PRMT8: variants seen among roughly 807,000 people sequenced by gnomAD.
PRMT8 encodes the protein protein arginine methyltransferase 8.
Under a neutral mutation model 47.1 loss-of-function variants are expected in PRMT8, and 7 were observed. The ratio of observed to expected loss-of-function variants is 0.15; its 90% CI spans 0.08 to 0.28. PRMT8 has a LOEUF of 0.28. Among genes scored for constraint, PRMT8 ranks in the 10% least tolerant of loss-of-function variants. PRMT8 has a pLI of 1.00. For synonymous variants in PRMT8, 188 were observed against 186.5 expected, an observed-to-expected ratio of 1.01 and a Z score of -0.07; for missense variants, 237 against 505.4, an observed-to-expected ratio of 0.47 and a Z score of 5.09.
chr12:3,444,931 T>A (rs1565409310), intron 1 of PRMT8, among the ~76,000 whole-genome samples: 1 of 152,196 alleles, frequency 6.6e-6, no homozygotes, highest in South Asian at 2.1e-4. Context: ...CCCATGGTCA[T>A]CTGGAGCTCG....
chr12:3,487,545 C>T (rs568073834), upstream of PRMT8, among the ~76,000 whole-genome samples: 1 of 152,310 alleles, frequency 6.6e-6, no homozygotes, highest in African/African-American at 2.4e-5. Context: ...AGAGGGCTTG[C>T]TCAACCTTCT....
intron 1 of PRMT8, among the ~76,000 whole-genome samples, chr12:3,418,857 G>A (rs1028541624): frequency 6.6e-6 from 1 of 152,182 alleles, no homozygotes; most frequent in Non-Finnish European, 1.5e-5. Context: ...TGGGGAACAG[G>A]TGTGCAGAAA....
intron 7 of PRMT8, among the ~76,000 whole-genome samples, chr12:3,579,892 G>A (rs1867022394): frequency 1.3e-5 from 2 of 152,148 alleles, no homozygotes; most frequent in Non-Finnish European, 2.9e-5. Context: ...CTTCAAGCGG[G>A]TCACCTGAGG....
upstream of PRMT8, among the ~76,000 whole-genome samples, chr12:3,486,462 T>C (rs2137105374): frequency 6.6e-6 from 1 of 152,286 alleles, no homozygotes; most frequent in Admixed American, 6.5e-5. Flanking sequence ...AGCACTTGCT[T>C]GGCCCATAGT....
rs1591567662 is a variant in PRMT8, at chr12:3,491,261, G to A, written c.-365G>A. On this transcript the variant is annotated 5_prime_UTR_variant, in exon 1 of 10. Coordinates refer to ENST00000382622, the MANE Select transcript of PRMT8 (RefSeq NM_019854.5). ...AGTTGGCGGCTGCCTCCGGCCGGCCGGACTTTGCGAGCAGCCTGGAGAGGA... is the reference window on the plus strand; with the variant it reads ...AGTTGGCGGCTGCCTCCGGCCGGCCAGACTTTGCGAGCAGCCTGGAGAGGA... 1.9e-6 allele frequency: 2 copies of A among 1,035,594 alleles called. No individual in the cohort carries two copies. Among genetic ancestry groups the A allele is most frequent in the Admixed American group, 5.3e-5 (1 of 18,884 alleles). The allele number at this position is 1,035,594 out of a possible 1,614,324, so 64.2% of individuals were successfully genotyped here.
In PRMT8 at chr12:3,444,232, G is replaced by A. The variant is rs373956045; in HGVS notation, c.48+62790G>A. Among the ~76,000 whole-genome samples, 97 of 152,252 alleles carry A rather than the reference G, an allele frequency of 6.4e-4. 1 individual carries two copies. The highest frequency in any genetic ancestry group is 1.9e-3 in the African/African-American group (79 of 41,550). ...CGGTTCTGGATCAAGAAAAGTCCTC[G>A]TCCCAGATGCTTAGTAAACACTCCT... On this transcript the variant is annotated intron_variant, in intron 1 of 9. Transcript: ENST00000452611.
At chr12:3,462,692 C>T (rs1364443102) in intron 1 of PRMT8, 1 of 151,922 alleles carries the variant, frequency 6.6e-6, no homozygotes, top group Admixed American at 6.5e-5. Context: ...CAGGATGGGT[C>T]CCATGAAGAG....
At chr12:3,511,904 G>A (rs1382939296) in intron 1 of PRMT8, among the ~76,000 whole-genome samples, 1 of 152,232 alleles carries the variant, frequency 6.6e-6, no homozygotes, top group Non-Finnish European at 1.5e-5. Flanking sequence ...TATTTCTAAA[G>A]TGCTGGGGCT....
chr12:3,454,553 G>A (rs759631127), intron 1 of PRMT8, among the ~76,000 whole-genome samples: 1 of 152,152 alleles, frequency 6.6e-6, no homozygotes, highest in Non-Finnish European at 1.5e-5. Context: ...AGGAGCAGGG[G>A]CCAGGGAAGA....
intron 1 of PRMT8, among the ~76,000 whole-genome samples, chr12:3,532,730 A>T (rs1021617119): frequency 2.6e-5 from 4 of 151,984 alleles, no homozygotes; most frequent in Admixed American, 1.3e-4. Flanking sequence ...AATGTGGGAA[A>T]ATGTTACTCT....
chr12:3,522,594 C>T (rs1418288640), intron 1 of PRMT8, among the ~76,000 whole-genome samples: 1 of 149,492 alleles, frequency 6.7e-6, no homozygotes, highest in African/African-American at 2.5e-5. Context: ...ACCCAGGAGG[C>T]GGAGCTTGCA....
rs578211368 is a variant in PRMT8, at chr12:3,570,720, T to C, written c.712+1156T>C. Among the ~76,000 whole-genome samples the C allele has an allele frequency of 1.6e-4, 24 of 152,320 alleles. No individual in the cohort carries two copies. The highest frequency in any genetic ancestry group is 5.8e-4 in the African/African-American group (24 of 41,566). ...GTGTATTTGTGTGGGTTCATGCCTTTCTGGAAATATAAACTCAAAGTGTGA... is the reference window on the plus strand; with the variant it reads ...GTGTATTTGTGTGGGTTCATGCCTTCCTGGAAATATAAACTCAAAGTGTGA... On this transcript the variant is annotated intron_variant, in intron 6 of 9. Transcript: ENST00000382622. The surrounding 1 kb of genome is among the most constrained non-coding windows in gnomAD (Gnocchi z 5.5).
chr12:3,593,308 A>G lies in PRMT8; in HGVS notation c.*126A>G, dbSNP rs1401276269. 1.2e-6 allele frequency: 1 copy of G among 800,430 alleles called. No homozygotes were observed. The highest frequency in any genetic ancestry group is 1.7e-5 in the African/African-American group (1 of 57,492). The allele number at this position is 800,430 out of a possible 1,614,324, so 49.6% of individuals were successfully genotyped here. ...ACCAGAGTTTTCAACTCTGCCTTGA[A>G]GATTGGTGAACTCCCCAGGGCTCCC... is the stretch of plus-strand genomic sequence containing the variant. On this transcript the variant is annotated 3_prime_UTR_variant, in exon 10 of 10. Transcript: ENST00000382622. This position sits in a 1 kb window ranked among gnomAD's most constrained non-coding sequence, Gnocchi z 4.8.
At chr12:3,561,695 C>A (rs1176391560) in intron 4 of PRMT8, among the ~76,000 whole-genome samples, 3 of 152,256 alleles carry the variant, frequency 2.0e-5, no homozygotes, top group African/African-American at 7.2e-5. Context: ...GGCGGTGGGG[C>A]CTTGTAAACG....
At chr12:3,591,373 T>C (rs1044740392) in intron 8 of PRMT8, among the ~76,000 whole-genome samples, 15 of 151,428 alleles carry the variant, frequency 9.9e-5, no homozygotes, top group African/African-American at 3.6e-4. Context: ...CTAGGTTTAG[T>C]TCCCCGTGCA....
intron 1 of PRMT8, among the ~76,000 whole-genome samples, chr12:3,424,998 T>C (rs1864587080): frequency 2.0e-5 from 3 of 152,214 alleles, no homozygotes; most frequent in South Asian, 4.1e-4. Context: ...TTGGCGAAGC[T>C]GCTCCTGTCC....
At chr12:3,505,341 C>G (rs944824954) in intron 1 of PRMT8, among the ~76,000 whole-genome samples, 1 of 152,150 alleles carries the variant, frequency 6.6e-6, no homozygotes, top group Non-Finnish European at 1.5e-5. Flanking sequence ...ACACGGTGCC[C>G]GCCATATAGC....
intron 1 of PRMT8, among the ~76,000 whole-genome samples, chr12:3,529,150 A>G (rs1227923890): frequency 3.3e-5 from 5 of 152,192 alleles, no homozygotes. Context: ...TCTGCATTGC[A>G]AACTTTATCT....
At chr12:3,487,970 T>C (rs1440682993), upstream of PRMT8, among the ~76,000 whole-genome samples, 1 of 152,180 alleles carries the variant, frequency 6.6e-6, no homozygotes, top group African/African-American at 2.4e-5. Flanking sequence ...TTTTTAAAGC[T>C]CTCCAGATGA....
Sources: allele counts gnomAD v4.1 joint callset (sites outside exome capture counted in the v4.1 genomes callset), GRCh38; gene constraint gnomAD v4.1.1; non-coding constraint Gnocchi (gnomAD v3.1); transcripts MANE v1.5; gene names NCBI Gene and HGNC (gene_info 2026-07-23, HGNC 2026-07-21).